The following ZNF804B variants were observed in gnomAD, a reference collection of about 807,000 sequenced individuals.
ZNF804B encodes zinc finger protein 804B, also known as zinc finger 804B.
ZNF804B carries 80 observed loss-of-function variants against 101.4 expected under a neutral mutation model. That is an observed-to-expected ratio of 0.79 (90% confidence interval 0.66 to 0.95). The LOEUF is 0.95. ZNF804B is among the 40% of genes least tolerant of loss of function. The pLI, the probability that ZNF804B is intolerant of heterozygous loss-of-function variation, is 0.00. For synonymous variants in ZNF804B, 622 were observed against 558.8 expected (o/e 1.11, Z -1.59); for missense variants, 1,673 against 1,561.9 (o/e 1.07, Z -1.20).
chr7:89,043,864 C>T (rs990948172), intron 1 of ZNF804B, among the ~76,000 whole-genome samples: 1 of 152,054 alleles, frequency 6.6e-6, no homozygotes, highest in African/African-American at 2.4e-5. Context: ...TTTAATAAGA[C>T]CAGCTTCAGT....
chr7:88,858,417 G>C (rs1791602799), intron 1 of ZNF804B, among the ~76,000 whole-genome samples: 1 of 152,178 alleles, frequency 6.6e-6, no homozygotes, highest in African/African-American at 2.4e-5. Flanking sequence ...GGTAGTTAGA[G>C]ATGGGGTGAT....
rs747896975 is a variant in ZNF804B, at chr7:89,334,918, T to G, written c.1936T>G (p.Leu646Val). ...KHKLIPCSPH[L>V]EFEDERQFNC... Reference sequence around the variant, plus strand: ...TAAATTGATTCCCTGCAGTCCTCATTTGGAATTTGAAGATGAAAGACAATT... The same window carrying G: ...TAAATTGATTCCCTGCAGTCCTCATGTGGAATTTGAAGATGAAAGACAATT... Residue 646 changes from leucine to valine, a missense_variant, in exon 4 of 4, where the codon TTG becomes GTG. Transcript: ENST00000333190. 1.9e-6 allele frequency: 3 copies of G among 1,613,850 alleles called. No individual in the cohort carries two copies. Among genetic ancestry groups the G allele is most frequent in the Non-Finnish European group, 2.5e-6 (3 of 1,179,894 alleles).
intron 1 of ZNF804B, among the ~76,000 whole-genome samples, chr7:89,080,797 G>A (rs766311592): frequency 1.7e-4 from 26 of 151,914 alleles, no homozygotes; most frequent in Non-Finnish European, 2.7e-4. Flanking sequence ...GCATTTTGTA[G>A]CAAGTTAAAG....
At chr7:88,893,834 A>G (rs1792247781) in intron 1 of ZNF804B, among the ~76,000 whole-genome samples, 1 of 152,200 alleles carries the variant, frequency 6.6e-6, no homozygotes, top group Non-Finnish European at 1.5e-5. Flanking sequence ...CTCAATGTCC[A>G]TCAGATAATT....
At chr7:88,805,145 A>G (rs1481693822) in intron 1 of ZNF804B, among the ~76,000 whole-genome samples, 1 of 152,198 alleles carries the variant, frequency 6.6e-6, no homozygotes, top group Non-Finnish European at 1.5e-5. Context: ...TGAGTTACAC[A>G]TTTAATGGTG....
At chr7:89,059,707 C>T (rs1013622274) in intron 1 of ZNF804B, among the ~76,000 whole-genome samples, 3 of 151,992 alleles carry the variant, frequency 2.0e-5, no homozygotes, top group Non-Finnish European at 1.5e-5. Context: ...GTATGCATAC[C>T]AAGTTGACAA....
chr7:89,262,525 T>G (rs1340163136), intron 2 of ZNF804B, among the ~76,000 whole-genome samples: 3 of 152,150 alleles, frequency 2.0e-5, no homozygotes, highest in Non-Finnish European at 2.9e-5. Flanking sequence ...GCTCAGTATA[T>G]TTTAAGTATT....
intron 1 of ZNF804B, among the ~76,000 whole-genome samples, chr7:89,179,911 C>T (rs373397593): frequency 1.4e-4 from 21 of 152,326 alleles, no homozygotes; most frequent in African/African-American, 5.0e-4. Context: ...TGTAGAGATA[C>T]TTCCCTGGTC....
intron 1 of ZNF804B, among the ~76,000 whole-genome samples, chr7:88,927,506 C>T (rs1562834355): frequency 6.6e-6 from 1 of 152,138 alleles, no homozygotes; most frequent in Non-Finnish European, 1.5e-5. Context: ...TGCTTGGATC[C>T]TAGACCCTAT....
intron 1 of ZNF804B, among the ~76,000 whole-genome samples, chr7:88,877,022 ATATAATAT>A (rs1213034148): frequency 6.3e-4 from 44 of 69,318 alleles, no homozygotes; most frequent in Non-Finnish European, 6.9e-4. Flanking sequence ...ATATATATAT[ATATAATAT>A]ATATATATAT....
chr7:89,171,749 T>C (rs1791240351), intron 1 of ZNF804B, among the ~76,000 whole-genome samples: 1 of 152,114 alleles, frequency 6.6e-6, no homozygotes, highest in Non-Finnish European at 1.5e-5. Context: ...CATATTTTTA[T>C]AGATTAAGAG....
intron 1 of ZNF804B, among the ~76,000 whole-genome samples, chr7:89,001,050 G>T (rs1696000123): frequency 2.0e-5 from 3 of 146,988 alleles, no homozygotes; most frequent in Admixed American, 6.9e-5. Flanking sequence ...TATTATTCAG[G>T]GGTGGGGATG....
intron 2 of ZNF804B, among the ~76,000 whole-genome samples, chr7:89,320,887 A>G (rs904479661): frequency 1.3e-5 from 2 of 152,304 alleles, no homozygotes; most frequent in African/African-American, 4.8e-5. Context: ...AAGAAACTAG[A>G]AATACATATC....
intron 1 of ZNF804B, among the ~76,000 whole-genome samples, chr7:89,135,053 C>T (rs895367732): frequency 2.6e-5 from 4 of 152,058 alleles, no homozygotes; most frequent in African/African-American, 9.7e-5. Flanking sequence ...CACTAGTTTT[C>T]AGCTACAAAG....
rs1165564363 is a variant in ZNF804B, at chr7:89,334,929, A to G, written c.1947A>G (p.Glu649=). ...LIPCSPHLEF[E]DERQFNCKSS... ...CCTGCAGTCCTCATTTGGAATTTGA[A>G]GATGAAAGACAATTCAACTGCAAGT... The change falls in exon 4 of 4, where the codon GAA becomes GAG. Residue 649 remains glutamate (E), a synonymous_variant. Transcript: ENST00000333190. 5 of 1,613,820 alleles carry G rather than the reference A, an allele frequency of 3.1e-6. No individual in the cohort carries two copies. The highest frequency in any genetic ancestry group is 3.3e-4 in the Middle Eastern group (2 of 6,082).
chr7:88,982,585 A>G (rs956838872), intron 1 of ZNF804B, among the ~76,000 whole-genome samples: 8 of 152,128 alleles, frequency 5.3e-5, no homozygotes, highest in African/African-American at 1.9e-4. Flanking sequence ...ACTGTGTCCT[A>G]ATCTTTCCTT....
intron 1 of ZNF804B, among the ~76,000 whole-genome samples, chr7:88,882,281 G>T (rs550861592): frequency 1.3e-5 from 2 of 152,154 alleles, no homozygotes; most frequent in Admixed American, 6.6e-5. Flanking sequence ...AATGCTCAAC[G>T]TCAGTAATCA....
intron 1 of ZNF804B, among the ~76,000 whole-genome samples, chr7:89,119,940 C>T (rs1790374250): frequency 6.6e-6 from 1 of 150,568 alleles, no homozygotes; most frequent in Non-Finnish European, 1.5e-5. Flanking sequence ...GTTCCTTTGA[C>T]TTGTGTAGCA....
In ZNF804B at chr7:89,333,495, A is replaced by G; in HGVS notation, c.513A>G (p.Lys171=). ...CMKSALLLKG[K]NLPRIISDKQ... ...AGAGTGCTCTTCTCCTTAAAGGAAA[A>G]AATCTCCCCAGAATCATATCCGATA... The change falls in exon 4 of 4, where the codon AAA becomes AAG. Residue 171 remains lysine (K), a synonymous_variant. Transcript: ENST00000333190. 6.2e-7 allele frequency: 1 copy of G among 1,613,406 alleles called. No homozygotes were observed. The highest frequency in any genetic ancestry group is 8.5e-7 in the Non-Finnish European group (1 of 1,179,616).
Sources: gnomAD v4.1 joint callset for allele counts (sites outside exome capture counted in the v4.1 genomes callset) on GRCh38, gnomAD v4.1.1 for gene constraint, MANE v1.5 for transcripts, NCBI Gene and HGNC (gene_info 2026-07-23, HGNC 2026-07-21) for gene names.